The following CNNM2 variants were observed in gnomAD, a reference collection of about 807,000 sequenced individuals.
CNNM2 encodes cyclin and CBS domain divalent metal cation transport mediator 2.
Under a neutral mutation model 66.9 loss-of-function variants are expected in CNNM2, and 12 were observed. The ratio of observed to expected loss-of-function variants is 0.18; its 90% CI spans 0.11 to 0.29. CNNM2 has a LOEUF of 0.29. CNNM2 is among the 10% of genes least tolerant of loss of function. The probability of loss-of-function intolerance (pLI) is 1.00; values close to 1 mark genes in which losing one functional copy is unlikely to be tolerated. For missense variants in CNNM2, 705 were observed against 1,167.7 expected (o/e 0.60, Z 5.77); for synonymous variants, 557 against 501.8 (o/e 1.11, Z -1.47).
chr10:103,071,649 G>C (rs2065585303), intron 5 of CNNM2, 125 bp from the exon 6 acceptor site: 4 of 811,792 alleles, frequency 4.9e-6, no homozygotes, highest in Admixed American at 1.8e-5. Context: ...ATACCGACTT[G>C]CATTTCTGCA....
chr10:103,027,460 G>A (rs757852370), intron 1 of CNNM2: 1 of 152,222 alleles, frequency 6.6e-6, no homozygotes, highest in Non-Finnish European at 1.5e-5. Context: ...ACTTCTAGAG[G>A]TGAGAGGGGA....
chr10:103,012,639 CTTTTTT>C (rs78646079), intron 1 of CNNM2, among the ~76,000 whole-genome samples: 19 of 118,050 alleles, frequency 1.6e-4, no homozygotes, highest in Non-Finnish European at 1.7e-4. Context: ...CAGAGCAAGA[CTTTTTT>C]TTTTTTTTTT....
At chr10:102,940,511 C>T (rs969161004) in intron 1 of CNNM2, among the ~76,000 whole-genome samples, 4 of 150,530 alleles carry the variant, frequency 2.7e-5, no homozygotes, top group East Asian at 2.0e-4. Context: ...CTCCGCCTCC[C>T]GGGTTCACAC....
Position 103,082,942 on chromosome 10 carries a change from A to G in CNNM2, c.*5762A>G, listed in dbSNP as rs1207431955. The stretch of plus-strand genomic sequence containing the variant: ...TCACTTGCCTGGCCCCACAGTGATA[A>G]TGGTTTCTTCCACTTACCTTAGATT... On this transcript the variant is annotated 3_prime_UTR_variant, in exon 8 of 8. Coordinates refer to ENST00000369878, the MANE Select transcript of CNNM2 (RefSeq NM_017649.5). The G allele has an allele frequency of 2.6e-5, 4 of 152,134 alleles. No individual in the cohort carries two copies. Among genetic ancestry groups the G allele is most frequent in the Admixed American group, 2.6e-4 (4 of 15,276 alleles). 9.4% of individuals were successfully genotyped at this position (152,134 alleles called of 1,614,324 possible).
intron 1 of CNNM2, among the ~76,000 whole-genome samples, chr10:103,011,854 A>G (rs938225881): frequency 1.9e-4 from 29 of 151,904 alleles, no homozygotes; most frequent in African/African-American, 5.3e-4. Flanking sequence ...CACCATGCCC[A>G]GCTAATTTTT....
rs1420829565 is a variant in CNNM2, at chr10:102,918,642, G to A, written c.162G>A (p.Leu54=). 3 of 1,548,722 alleles carry A rather than the reference G, an allele frequency of 1.9e-6. No individual in the cohort carries two copies. The highest frequency in any genetic ancestry group is 1.4e-5 in the African/African-American group (1 of 72,502). ...GGCGGCTGCTGCCGCTGCTCCTGCTGAGCTGCTGCTGCGGTGCGGGCGGCT... is the reference window on the plus strand; with the variant it reads ...GGCGGCTGCTGCCGCTGCTCCTGCTAAGCTGCTGCTGCGGTGCGGGCGGCT... ...AAGRLLPLLL[L]SCCCGAGGCA... Residue 54 remains leucine (L), a synonymous_variant, in exon 1 of 8, where the codon CTG becomes CTA. Transcript: ENST00000369878. The surrounding 1 kb of genome is among the most constrained non-coding windows in gnomAD (Gnocchi z 4.1).
At chr10:102,957,269 G>A (rs1274885533) in intron 1 of CNNM2, among the ~76,000 whole-genome samples, 1 of 152,204 alleles carries the variant, frequency 6.6e-6, no homozygotes, top group East Asian at 1.9e-4. Context: ...TTGCACCACT[G>A]CACTCCAGCC....
chr10:103,067,744 C>T (rs895503588), intron 4 of CNNM2, among the ~76,000 whole-genome samples: 15 of 152,092 alleles, frequency 9.9e-5, no homozygotes, highest in African/African-American at 3.1e-4. Flanking sequence ...CAAAAGAACT[C>T]ATCAAGGTAA....
At chr10:102,920,680 T>C (rs1845596642) in intron 1 of CNNM2, among the ~76,000 whole-genome samples, 1 of 143,818 alleles carries the variant, frequency 7.0e-6, no homozygotes, top group East Asian at 2.1e-4. Flanking sequence ...GGGTAAGGGG[T>C]GGGGTAAACT....
At chr10:102,925,409 A>G (rs1210292801) in intron 1 of CNNM2, among the ~76,000 whole-genome samples, 1 of 150,862 alleles carries the variant, frequency 6.6e-6, no homozygotes, top group African/African-American at 2.4e-5. Flanking sequence ...TTTGGAATCC[A>G]TGTCGTTTAC....
intron 1 of CNNM2, among the ~76,000 whole-genome samples, chr10:103,042,713 C>T (rs536157745): frequency 6.6e-6 from 1 of 152,324 alleles, no homozygotes; most frequent in Middle Eastern, 3.4e-3. Context: ...TACATTCTCT[C>T]ACTTGATCAG....
chr10:102,992,273 C>CTTTTTTTTTTTTTTTTTTTTTTT (rs35281835), intron 1 of CNNM2, among the ~76,000 whole-genome samples: 2 of 108,490 alleles, frequency 1.8e-5, no homozygotes, highest in African/African-American at 3.4e-5. Context: ...CTCCAAGTTC[C>CTTTTTTTTTTTTTTTTTTTTTTT]TTTTTTTTTT....
chr10:103,015,909 A>G (rs554820538), intron 1 of CNNM2, among the ~76,000 whole-genome samples: 123 of 152,148 alleles, frequency 8.1e-4, no homozygotes, highest in Non-Finnish European at 1.5e-3. Flanking sequence ...CTCTAGGTAG[A>G]TGAATTACAA....
chr10:102,973,825 C>G (rs923340831), intron 1 of CNNM2, among the ~76,000 whole-genome samples: 12 of 149,882 alleles, frequency 8.0e-5, no homozygotes, highest in South Asian at 2.2e-4. Flanking sequence ...TTCCCCCCCC[C>G]CCTTTTTTAA....
intron 1 of CNNM2, among the ~76,000 whole-genome samples, chr10:102,941,840 G>A (rs112222210): frequency 6.6e-6 from 1 of 152,144 alleles, no homozygotes; most frequent in South Asian, 2.1e-4. Context: ...TAAGGGCAGG[G>A]ACTTGTCTGT....
chr10:103,055,324 G>A (rs974809403), intron 3 of CNNM2, among the ~76,000 whole-genome samples: 1 of 152,216 alleles, frequency 6.6e-6, no homozygotes, highest in Non-Finnish European at 1.5e-5. Flanking sequence ...TTAAAAGAAG[G>A]CTAGCCGCAA....
chr10:103,012,227 A>G (rs911668149), intron 1 of CNNM2, among the ~76,000 whole-genome samples: 1 of 152,222 alleles, frequency 6.6e-6, no homozygotes, highest in Admixed American at 6.5e-5. Context: ...GGATACCTGC[A>G]TTTGCAATTT....
chr10:102,929,542 A>G (rs1412217333), intron 1 of CNNM2, among the ~76,000 whole-genome samples: 1 of 152,030 alleles, frequency 6.6e-6, no homozygotes, highest in Non-Finnish European at 1.5e-5. Flanking sequence ...CTAGCAGTTG[A>G]CAAGGTGACT....
intron 1 of CNNM2, among the ~76,000 whole-genome samples, chr10:103,025,795 A>G (rs1454765963): frequency 6.6e-6 from 1 of 152,172 alleles, no homozygotes; most frequent in Non-Finnish European, 1.5e-5. Context: ...CCCCCTCCTA[A>G]TTCAACAGCA....
Sources: allele counts gnomAD v4.1 joint callset (sites outside exome capture counted in the v4.1 genomes callset), GRCh38; gene constraint gnomAD v4.1.1; non-coding constraint Gnocchi (gnomAD v3.1); transcripts MANE v1.5; gene names NCBI Gene and HGNC (gene_info 2026-07-23, HGNC 2026-07-21).